Variants in MYO10 observed in about 807,000 individuals in gnomAD.
MYO10 encodes the protein myosin X.
In MYO10, 133 loss-of-function variants were observed where a neutral mutation model predicts 257.3. The ratio of observed to expected loss-of-function variants is 0.52; its 90% CI spans 0.45 to 0.60. MYO10 has a LOEUF of 0.60. Ranked by LOEUF, MYO10 falls within the 20% of genes least tolerant of loss-of-function variation. MYO10 has a pLI of 0.00. For missense variants in MYO10, 2,399 were observed against 2,635.7 expected (o/e 0.91, Z 1.97); for synonymous variants, 1,104 against 1,028.6 (o/e 1.07, Z -1.40).
At chr5:16,752,151 GC>G (rs1407752321) in intron 19 of MYO10, among the ~76,000 whole-genome samples, 1 of 152,180 alleles carries the variant, frequency 6.6e-6, no homozygotes, top group African/African-American at 2.4e-5. Context: ...TTATAGCACT[GC>G]CAGGGCAGGA....
chr5:16,692,092 C>G (rs1441216072), intron 27 of MYO10, among the ~76,000 whole-genome samples: 1 of 152,120 alleles, frequency 6.6e-6, no homozygotes, highest in African/African-American at 2.4e-5. Flanking sequence ...ATAAAACCAA[C>G]CCAAACCAAC....
intron 19 of MYO10, among the ~76,000 whole-genome samples, chr5:16,742,774 C>A (rs1284786447): frequency 2.7e-5 from 4 of 150,252 alleles, no homozygotes; most frequent in Non-Finnish European, 5.9e-5. Context: ...CACACCACTG[C>A]ACTCCAGCCT....
At chr5:16,786,703 A>G (rs1741591605) in intron 4 of MYO10, among the ~76,000 whole-genome samples, 2 of 152,164 alleles carry the variant, frequency 1.3e-5, no homozygotes, top group African/African-American at 2.4e-5. Flanking sequence ...TGCCTAGCCC[A>G]AAGCATTTTG....
chr5:16,719,355 A>G (rs1207565963), intron 19 of MYO10, among the ~76,000 whole-genome samples: 1 of 152,174 alleles, frequency 6.6e-6, no homozygotes, highest in Non-Finnish European at 1.5e-5. Flanking sequence ...GGTGCCTGCT[A>G]AGGGCAGGTG....
intron 26 of MYO10, among the ~76,000 whole-genome samples, chr5:16,697,395 GA>G (rs1170341354): frequency 1.3e-5 from 2 of 152,080 alleles, no homozygotes; most frequent in Non-Finnish European, 2.9e-5. Context: ...AGAAAGAAGG[GA>G]AAATGGAATA....
chr5:16,896,111 A>G (rs1278368943), intron 1 of MYO10, among the ~76,000 whole-genome samples: 1 of 152,198 alleles, frequency 6.6e-6, no homozygotes, highest in Non-Finnish European at 1.5e-5. Context: ...CTACAAGCAG[A>G]GTAATCTCAG....
chr5:16,741,991 A>G (rs1007942722), intron 19 of MYO10: 17 of 985,396 alleles, frequency 1.7e-5, no homozygotes, highest in Middle Eastern at 5.2e-4. Flanking sequence ...TACTCAAAGG[A>G]AGTCCAGCCT....
intron 25 of MYO10, 149 bp downstream of exon 25, chr5:16,700,813 TA>T: frequency 9.7e-7 from 1 of 1,034,216 alleles, no homozygotes; most frequent in Non-Finnish European, 1.4e-6. Context: ...GCTTATGGAA[TA>T]AGCAAAAGGT....
intron 2 of MYO10, among the ~76,000 whole-genome samples, chr5:16,830,172 G>T (rs1322164936): frequency 6.6e-6 from 1 of 151,842 alleles, no homozygotes; most frequent in African/African-American, 2.4e-5. Context: ...GGAGGCAGAG[G>T]TTGCAGTGAG....
chr5:16,766,968 C>T lies in MYO10; in HGVS notation c.1061-770G>A, dbSNP rs141625658. On this transcript the variant is annotated intron_variant, in intron 10 of 40. Transcript: ENST00000513610. ...TTGAACTCCTGACCTCAAGTGATCT[C>T]CCTGCCTTGGCCTCCCAAAATGTTG... Among the ~76,000 whole-genome samples the T allele has an allele frequency of 8.0e-3, 1,199 of 150,118 alleles. 11 individuals are homozygous for T. Among genetic ancestry groups the T allele is most frequent in the Non-Finnish European group, 8.6e-3 (583 of 67,510 alleles).
At chr5:16,708,909 C>G (rs1336624476) in intron 21 of MYO10, among the ~76,000 whole-genome samples, 3 of 152,190 alleles carry the variant, frequency 2.0e-5, no homozygotes, top group African/African-American at 7.2e-5. Context: ...TTGTATTGCA[C>G]TGCCAAGAGC....
At chr5:16,829,535 A>G (rs1199510138) in intron 2 of MYO10, among the ~76,000 whole-genome samples, 3 of 152,166 alleles carry the variant, frequency 2.0e-5, no homozygotes, top group Non-Finnish European at 2.9e-5. Context: ...CGCACCCCCA[A>G]AAGTATCAGG....
chr5:16,786,993 AC>A (rs1741600672), intron 4 of MYO10, among the ~76,000 whole-genome samples: 1 of 152,024 alleles, frequency 6.6e-6, no homozygotes, highest in Non-Finnish European at 1.5e-5. Context: ...ACATGGTGAA[AC>A]CCCGTCTCTA....
At chr5:16,749,531 T>TG (rs1287110623) in intron 19 of MYO10, among the ~76,000 whole-genome samples, 2 of 150,538 alleles carry the variant, frequency 1.3e-5, no homozygotes, top group Non-Finnish European at 2.9e-5. Context: ...AGGCTGCTTG[T>TG]GCTAGAGGCC....
intron 19 of MYO10, among the ~76,000 whole-genome samples, chr5:16,754,610 A>T (rs1217495109): frequency 6.6e-6 from 1 of 152,114 alleles, no homozygotes; most frequent in East Asian, 1.9e-4. Flanking sequence ...CTTTTCAAAT[A>T]GATGTCCCTA....
intron 9 of MYO10, among the ~76,000 whole-genome samples, chr5:16,778,297 CA>C (rs1186616805): frequency 2.6e-5 from 4 of 152,144 alleles, no homozygotes; most frequent in Admixed American, 1.3e-4. Context: ...AAAGCCCTTG[CA>C]AGAGACCATG....
chr5:16,693,119 T>A (rs962790174), intron 27 of MYO10, among the ~76,000 whole-genome samples: 3 of 152,006 alleles, frequency 2.0e-5, no homozygotes, highest in Non-Finnish European at 4.4e-5. Flanking sequence ...ATACAAAAAA[T>A]TAGCCTGGCG....
chr5:16,907,006 C>T (rs900883490), intron 1 of MYO10, among the ~76,000 whole-genome samples: 5 of 152,004 alleles, frequency 3.3e-5, no homozygotes, highest in Non-Finnish European at 7.4e-5. Flanking sequence ...CCCAGCTACT[C>T]GGGAAGCTGA....
At chr5:16,725,131 G>GGCTGGAGT (rs1554039861) in intron 19 of MYO10, among the ~76,000 whole-genome samples, 1 of 124,382 alleles carries the variant, frequency 8.0e-6, no homozygotes, top group African/African-American at 3.0e-5. Context: ...CTGTCATCCA[G>GGCTGGAGT]GCTGGAGTGC....
Sources: gnomAD v4.1 joint callset for allele counts (sites outside exome capture counted in the v4.1 genomes callset) on GRCh38, gnomAD v4.1.1 for gene constraint, MANE v1.5 for transcripts, NCBI Gene and HGNC (gene_info 2026-07-23, HGNC 2026-07-21) for gene names.